The following ITSN2 variants were observed in gnomAD, a reference collection of about 807,000 sequenced individuals.
The protein encoded by ITSN2 is intersectin-2.
In ITSN2, 156 loss-of-function variants were observed where a neutral mutation model predicts 243.7. The observed-to-expected ratio is 0.64, with a 90% confidence interval of 0.56 to 0.73. The LOEUF (loss-of-function observed/expected upper bound fraction) is 0.73. ITSN2 is among the 30% of genes least tolerant of loss of function. The pLI, the probability that ITSN2 is intolerant of heterozygous loss-of-function variation, is 0.00. For synonymous variants in ITSN2, 703 were observed against 699.9 expected, an observed-to-expected ratio of 1.00 and a Z score of -0.07; for missense variants, 1,801 against 1,996.1, an observed-to-expected ratio of 0.90 and a Z score of 1.86.
intron 5 of ITSN2, 76 bp downstream of exon 5, chr2:24,312,136 C>A: frequency 1.6e-6 from 2 of 1,226,958 alleles, no homozygotes; most frequent in Non-Finnish European, 2.2e-6. Flanking sequence ...CTAACAAATC[C>A]TTTTCTAATA....
chr2:24,238,172 T>G (rs181916243), intron 29 of ITSN2, among the ~76,000 whole-genome samples: 2 of 152,322 alleles, frequency 1.3e-5, no homozygotes, highest in Admixed American at 1.3e-4. Context: ...AGTCCTTAAG[T>G]GCCTGGCAAA....
At chr2:24,358,484 A>G (rs957601781) in intron 1 of ITSN2, among the ~76,000 whole-genome samples, 1 of 152,340 alleles carries the variant, frequency 6.6e-6, no homozygotes, top group African/African-American at 2.4e-5. Context: ...CAACCATGGT[A>G]AACATATTTT....
intron 9 of ITSN2, among the ~76,000 whole-genome samples, chr2:24,302,973 C>T (rs527607752): frequency 2.3e-4 from 35 of 152,238 alleles, no homozygotes; most frequent in African/African-American, 7.2e-4. Context: ...CATAAAGCAA[C>T]GCATTACCTA....
At position 24,261,135 on chromosome 2, in the gene ITSN2, G is replaced by T. The variant is rs985355260; in HGVS notation, c.2653C>A (p.Pro885Thr). 6.2e-7 allele frequency: 1 copy of T among 1,613,858 alleles called. No individual in the cohort carries two copies. The highest frequency in any genetic ancestry group is 8.5e-7 in the Non-Finnish European group (1 of 1,179,878). ...KKSAFTRTVS[P>T]GSVSPIHGQG... ...CCATGAATAGGTGATACAGATCCAGGGGACACAGTTCGAGTGAAGGCTGAT... is the reference window on the plus strand; with the variant it reads ...CCATGAATAGGTGATACAGATCCAGTGGACACAGTTCGAGTGAAGGCTGAT... Residue 885 changes from proline to threonine, a missense_variant, in exon 22 of 40, where the codon CCT becomes ACT. Physicochemically the swap from Pro to Thr is conservative, Grantham distance 38. Coordinates refer to ENST00000355123, the MANE Select transcript of ITSN2 (RefSeq NM_006277.3).
chr2:24,327,995 T>C, intron 2 of ITSN2, 57 bp downstream of exon 2: 2 of 1,368,434 alleles, frequency 1.5e-6, no homozygotes, highest in Non-Finnish European at 1.9e-6. Context: ...TTTAAACCTC[T>C]ACCAAAAAAA....
At chr2:24,291,564 A>C (rs1574176548) in intron 15 of ITSN2, among the ~76,000 whole-genome samples, 1 of 144,082 alleles carries the variant, frequency 6.9e-6, no homozygotes, top group South Asian at 2.2e-4. Context: ...ATCTCAGCTC[A>C]CTGCAGCCTC....
At chr2:24,269,696 A>C (rs907946430) in intron 20 of ITSN2, among the ~76,000 whole-genome samples, 1 of 152,188 alleles carries the variant, frequency 6.6e-6, no homozygotes, top group Non-Finnish European at 1.5e-5. Context: ...TTATTCACTA[A>C]ATCCCTAGTC....
chr2:24,324,886 C>G (rs1310255178), intron 2 of ITSN2, among the ~76,000 whole-genome samples: 3 of 141,350 alleles, frequency 2.1e-5, no homozygotes, highest in Non-Finnish European at 4.6e-5. Flanking sequence ...AAAATGAACA[C>G]CTTAAAAGAA....
intron 17 of ITSN2, among the ~76,000 whole-genome samples, chr2:24,279,826 G>A (rs1056744042): frequency 2.2e-5 from 3 of 139,236 alleles, no homozygotes; most frequent in South Asian, 2.3e-4. Flanking sequence ...TCCGCCTCCC[G>A]GGTTCAGGTG....
chr2:24,295,545 G>T, intron 14 of ITSN2, 119 bp downstream of exon 14: 1 of 678,226 alleles, frequency 1.5e-6, no homozygotes, highest in East Asian at 3.1e-5. Context: ...CTGACCTCAG[G>T]GGATCCACCC....
intron 1 of ITSN2, among the ~76,000 whole-genome samples, chr2:24,337,333 T>TATATATATATATATATATATATAC (rs1558650549): frequency 1.9e-5 from 2 of 107,786 alleles, no homozygotes; most frequent in African/African-American, 3.7e-5. Context: ...TATATATATA[T>TATATATATATATATATATATATAC]ATATATATAT....
chr2:24,291,152 CAG>C (rs1437588127), intron 15 of ITSN2, among the ~76,000 whole-genome samples: 3 of 151,960 alleles, frequency 2.0e-5, no homozygotes. Flanking sequence ...TGTTTTGAGA[CAG>C]AGTCTCACTC....
At position 24,203,790 on chromosome 2, in the gene ITSN2, A is replaced by G; in HGVS notation, c.4937-7T>C. The G allele has an allele frequency of 6.2e-7, 1 of 1,612,278 alleles. No individual in the cohort carries two copies. The highest frequency in any genetic ancestry group is 8.5e-7 in the Non-Finnish European group (1 of 1,178,890). ...TCAGTACGACCCAGGAAATCTGGTG[A>G]ATAAACACAGGAGAGTCAGAAGTCT... On this transcript the variant is annotated splice_polypyrimidine_tract_variant and splice_region_variant and intron_variant, in intron 39 of 39. Coordinates refer to ENST00000355123, the MANE Select transcript of ITSN2 (RefSeq NM_006277.3).
chr2:24,246,878 G>A lies in ITSN2; in HGVS notation c.3304C>T (p.Arg1102Ter), dbSNP rs763594277. The A allele has an allele frequency of 3.1e-6, 5 of 1,611,174 alleles. No individual in the cohort carries two copies. The highest frequency in any genetic ancestry group is 1.3e-5 in the African/African-American group (1 of 74,800). ...CTGGCAGGAAACCATCCTTTCTGTCGCTTTTTTCCTCTGGCCTAAAAATTA... is the reference window on the plus strand; with the variant it reads ...CTGGCAGGAAACCATCCTTTCTGTCACTTTTTTCCTCTGGCCTAAAAATTA... ...QGELQARGKK[R>*]QKGWFPASHV... Residue 1102 changes from arginine (R) to a stop codon, truncating the protein, a stop_gained, in exon 28 of 40, where the codon CGA becomes TGA. Coordinates refer to ENST00000355123, the MANE Select transcript of ITSN2 (RefSeq NM_006277.3). LOFTEE classifies it high-confidence loss of function.
At chr2:24,314,073 G>C (rs551715039) in intron 3 of ITSN2, among the ~76,000 whole-genome samples, 1 of 151,966 alleles carries the variant, frequency 6.6e-6, no homozygotes, top group Non-Finnish European at 1.5e-5. Flanking sequence ...AAAAGGGTGG[G>C]TTCCCCAAAT....
At position 24,296,770 on chromosome 2, in the gene ITSN2, T is replaced by A. The variant is rs577821831; in HGVS notation, c.1495-966A>T. Among the ~76,000 whole-genome samples, 33 of 152,180 alleles carry A rather than the reference T, an allele frequency of 2.2e-4. No homozygotes were observed. In the Middle Eastern group the frequency reaches 0.01, roughly 47 times the overall value. On this transcript the variant is annotated intron_variant, in intron 13 of 39. Transcript: ENST00000355123. The stretch of plus-strand genomic sequence containing the variant: ...GCCCTACCAAACTAATACAGTGGAG[T>A]GAGGGGAAATGACATCCTGGGTTAA...
chr2:24,262,723 C>G (rs1298327820), intron 20 of ITSN2, among the ~76,000 whole-genome samples: 2 of 152,130 alleles, frequency 1.3e-5, no homozygotes, highest in Admixed American at 6.6e-5. Context: ...GACTTCTTCC[C>G]GAAGCAACAT....
At chr2:24,222,958 G>A (rs1195274123) in intron 29 of ITSN2, among the ~76,000 whole-genome samples, 1 of 152,152 alleles carries the variant, frequency 6.6e-6, no homozygotes, top group Admixed American at 6.5e-5. Context: ...TTACAGGCAT[G>A]AGCCCCATGC....
chr2:24,307,331 T>C (rs1038215820), intron 8 of ITSN2, among the ~76,000 whole-genome samples: 1 of 151,716 alleles, frequency 6.6e-6, no homozygotes, highest in Admixed American at 6.6e-5. Context: ...GCACACATCC[T>C]AATTTTAGAG....
Sources: gnomAD v4.1 joint callset for allele counts (sites outside exome capture counted in the v4.1 genomes callset) on GRCh38, gnomAD v4.1.1 for gene constraint, MANE v1.5 for transcripts, NCBI Gene and HGNC (gene_info 2026-07-23, HGNC 2026-07-21) for gene names.